The following CREB5 variants were observed in gnomAD, a reference collection of about 807,000 sequenced individuals.
CREB5 encodes cyclic AMP-responsive element-binding protein 5.
Under a neutral mutation model 57.1 loss-of-function variants are expected in CREB5, and 19 were observed. The observed-to-expected ratio is 0.33, with a 90% CI of 0.23 to 0.49. The LOEUF (loss-of-function observed/expected upper bound fraction) is 0.49, where lower values mean the gene tolerates loss of function less well. Among genes scored for constraint, CREB5 ranks in the 20% least tolerant of loss-of-function variants. The pLI, the probability that CREB5 is intolerant of heterozygous loss-of-function variation, is 0.99. For synonymous variants in CREB5, 238 were observed against 238.3 expected (o/e 1.00, Z 0.01); for missense variants, 579 against 671.6 (o/e 0.86, Z 1.52).
chr7:28,473,263 A>G (rs563531274), intron 1 of CREB5, among the ~76,000 whole-genome samples: 51 of 152,246 alleles, frequency 3.3e-4, no homozygotes, highest in Non-Finnish European at 1.2e-4. Flanking sequence ...TCAAGGGTGT[A>G]GCGGGCTGCG....
intron 1 of CREB5, among the ~76,000 whole-genome samples, chr7:28,429,056 C>T (rs1788616661): frequency 6.6e-6 from 1 of 152,072 alleles, no homozygotes; most frequent in African/African-American, 2.4e-5. Flanking sequence ...GATGGAATCT[C>T]ACTCTGCCAC....
intron 8 of CREB5, among the ~76,000 whole-genome samples, chr7:28,807,406 G>C (rs768320938): frequency 1.8e-4 from 28 of 152,150 alleles, no homozygotes; most frequent in Non-Finnish European, 3.2e-4. Flanking sequence ...CCGAAATCGC[G>C]CCACTGCACT....
chr7:28,523,471 A>T (rs1387092320), intron 4 of CREB5, among the ~76,000 whole-genome samples: 1 of 152,130 alleles, frequency 6.6e-6, no homozygotes, highest in Non-Finnish European at 1.5e-5. Context: ...TAGTGATATA[A>T]AGGAAAGTTT....
At chr7:28,607,305 C>T (rs1797174965) in intron 5 of CREB5, among the ~76,000 whole-genome samples, 1 of 151,958 alleles carries the variant, frequency 6.6e-6, no homozygotes. Flanking sequence ...ATGTGAGGCC[C>T]CAAGACTGAA....
intron 1 of CREB5, among the ~76,000 whole-genome samples, chr7:28,434,321 T>G (rs1173353858): frequency 6.6e-6 from 1 of 152,232 alleles, no homozygotes; most frequent in Non-Finnish European, 1.5e-5. Context: ...ATTATCATAA[T>G]GATTCGATTA....
upstream of CREB5, among the ~76,000 whole-genome samples, chr7:28,411,050 A>G (rs1787773166): frequency 6.6e-6 from 1 of 152,150 alleles, no homozygotes; most frequent in Non-Finnish European, 1.5e-5. Context: ...GTCTGAGGGG[A>G]CCACTGTACC....
chr7:28,378,600 A>G lies in CREB5; in HGVS notation c.-25+79159A>G, dbSNP rs142271612. On this transcript the variant is annotated intron_variant, in intron 1 of 9. Transcript: ENST00000396299. ...CCTCTCTTGGTTTATCTGACATTTA[A>G]TGAATTAGGCTTCTGTCCTGGCTTT... Among the ~76,000 whole-genome samples the G allele has an allele frequency of 8.2e-3, 1,252 of 152,246 alleles. 7 individuals carry two copies. The highest frequency in any genetic ancestry group is 0.012 in the Non-Finnish European group (841 of 68,012).
At chr7:28,678,366 C>G (rs767916662) in intron 5 of CREB5, among the ~76,000 whole-genome samples, 10 of 151,356 alleles carry the variant, frequency 6.6e-5, no homozygotes, top group African/African-American at 2.4e-4. Flanking sequence ...CCAGCCTGGG[C>G]GACAGAGTGA....
chr7:28,526,023 A>G (rs160346), intron 4 of CREB5, among the ~76,000 whole-genome samples: 87,284 of 152,046 alleles, frequency 0.57, 26,753 homozygotes, highest in East Asian at 0.72. Flanking sequence ...TTCAGCGCCA[A>G]ATCTGGGATG....
At chr7:28,563,614 C>A (rs1445123399) in intron 4 of CREB5, among the ~76,000 whole-genome samples, 1 of 152,226 alleles carries the variant, frequency 6.6e-6, no homozygotes. Context: ...CAGCCCCAAC[C>A]TCCTGGGCTC....
intron 7 of CREB5, among the ~76,000 whole-genome samples, chr7:28,791,116 T>C (rs1022335213): frequency 1.3e-5 from 2 of 152,196 alleles, no homozygotes; most frequent in African/African-American, 4.8e-5. Flanking sequence ...AATACCCCTT[T>C]GGTGATTAAT....
chr7:28,620,752 C>CAG (rs1797762925), intron 5 of CREB5, among the ~76,000 whole-genome samples: 1 of 152,116 alleles, frequency 6.6e-6, no homozygotes, highest in Admixed American at 6.5e-5. Flanking sequence ...ATAAGCCTAT[C>CAG]TAGTCAACCA....
intron 1 of CREB5, among the ~76,000 whole-genome samples, chr7:28,362,184 T>A (rs1304928594): frequency 6.6e-6 from 1 of 152,214 alleles, no homozygotes. Context: ...CCAAACCCTA[T>A]TTTAATATCT....
At chr7:28,775,987 C>A (rs1806602151) in intron 7 of CREB5, among the ~76,000 whole-genome samples, 1 of 152,150 alleles carries the variant, frequency 6.6e-6, no homozygotes, top group Non-Finnish European at 1.5e-5. Flanking sequence ...GTGTGCACAG[C>A]AAATTAACAT....
chr7:28,607,721 C>T (rs1470786626), intron 5 of CREB5, among the ~76,000 whole-genome samples: 1 of 147,268 alleles, frequency 6.8e-6, no homozygotes, highest in Non-Finnish European at 1.5e-5. Flanking sequence ...AAAATAAGAC[C>T]AGTGCCCACA....
chr7:28,416,205 A>G (rs1159585275), intron 1 of CREB5, among the ~76,000 whole-genome samples: 1 of 152,174 alleles, frequency 6.6e-6, no homozygotes, highest in Admixed American at 6.5e-5. Context: ...ATCAGAATTC[A>G]GGTCTCTTTT....
At chr7:28,785,441 T>C (rs1195308206) in intron 7 of CREB5, among the ~76,000 whole-genome samples, 1 of 152,250 alleles carries the variant, frequency 6.6e-6, no homozygotes, top group African/African-American at 2.4e-5. Flanking sequence ...CTCCAGAGCA[T>C]AGGCTCTTCA....
intron 1 of CREB5, among the ~76,000 whole-genome samples, chr7:28,483,887 A>T (rs1343428653): frequency 1.3e-5 from 2 of 152,214 alleles, no homozygotes; most frequent in African/African-American, 4.8e-5. Flanking sequence ...AGGTAGACTG[A>T]GTGATCCCCA....
At chr7:28,724,161 T>C (rs1008580746) in intron 6 of CREB5, 61 bp from the exon 7 acceptor site, 5 of 1,424,524 alleles carry the variant, frequency 3.5e-6, no homozygotes, top group Non-Finnish European at 4.8e-6. Flanking sequence ...AAAGTGCAGC[T>C]TTGTCTAATG....
Sources: gnomAD v4.1 joint callset for allele counts (sites outside exome capture counted in the v4.1 genomes callset) on GRCh38, gnomAD v4.1.1 for gene constraint, MANE v1.5 for transcripts, NCBI Gene and HGNC (gene_info 2026-07-23, HGNC 2026-07-21) for gene names.